The following ADGRV1 variants were observed in gnomAD, a reference collection of about 807,000 sequenced individuals.
The protein encoded by ADGRV1 is G-protein coupled receptor 98.
ADGRV1 carries 359 observed loss-of-function variants against 596.2 expected under a neutral mutation model. The observed-to-expected ratio is 0.60, with a 90% confidence interval of 0.55 to 0.66. The LOEUF (loss-of-function observed/expected upper bound fraction) is 0.66. Among genes scored for constraint, ADGRV1 ranks in the 30% least tolerant of loss-of-function variants. ADGRV1 has a pLI of 0.00. For missense variants in ADGRV1, 7,274 were observed against 7,575.6 expected (o/e 0.96, Z 1.48); for synonymous variants, 2,681 against 2,679.2 (o/e 1.00, Z -0.02).
intron 1 of ADGRV1, among the ~76,000 whole-genome samples, chr5:90,590,920 A>G (rs1055388833): frequency 1.3e-5 from 2 of 152,168 alleles, no homozygotes; most frequent in East Asian, 3.9e-4. Context: ...TTACCCTTGA[A>G]CACTTCCCAG....
rs397517421 is a variant in ADGRV1, at chr5:90,778,014, G to C, written c.12637G>C (p.Glu4213Gln). 6.3e-7 allele frequency: 1 copy of C among 1,585,770 alleles called. No individual in the cohort carries two copies. The highest frequency in any genetic ancestry group is 8.6e-7 in the Non-Finnish European group (1 of 1,164,392). ...ATCAGGAAAACTGACAATGCGAGAC[G>C]AACAGTCTGCAGTCATTGTAGTAAT... ...ETSGKLTMRD[E>Q]QSAVIVVIQA... The change falls in exon 62 of 90, where the codon GAA (glutamate) becomes CAA (glutamine). Residue 4213 changes from glutamate (E) to glutamine (Q), a missense_variant. This residue lies in a region of ADGRV1 where 3,643 missense variants were observed against 3,809.2 expected (regional missense o/e 0.96). Transcript: ENST00000405460.
intron 85 of ADGRV1, among the ~76,000 whole-genome samples, chr5:91,039,567 G>A (rs1785169560): frequency 6.6e-6 from 1 of 152,132 alleles, no homozygotes; most frequent in Non-Finnish European, 1.5e-5. Flanking sequence ...ACAAGAAGAG[G>A]GGATTTTATC....
chr5:90,573,723 A>T (rs887478334), intron 1 of ADGRV1, among the ~76,000 whole-genome samples: 4 of 152,196 alleles, frequency 2.6e-5, no homozygotes, highest in Middle Eastern at 3.2e-3. Context: ...AAGTTTTAAA[A>T]TGTTGTTTTT....
intron 83 of ADGRV1, among the ~76,000 whole-genome samples, chr5:90,951,072 T>C (rs777989419): frequency 3.9e-5 from 6 of 152,206 alleles, no homozygotes; most frequent in Non-Finnish European, 7.3e-5. Context: ...AGCTGGTATG[T>C]AACTCATGCC....
chr5:91,137,340 T>C (rs1411948199), intron 87 of ADGRV1, among the ~76,000 whole-genome samples: 1 of 152,194 alleles, frequency 6.6e-6, no homozygotes, highest in Non-Finnish European at 1.5e-5. Flanking sequence ...GAAAATTTTC[T>C]GTTGGGAAAG....
intron 88 of ADGRV1, 30 bp downstream of exon 88, chr5:91,150,251 C>T: frequency 6.9e-7 from 1 of 1,450,096 alleles, no homozygotes; most frequent in Non-Finnish European, 9.2e-7. Flanking sequence ...CATTCTCTGT[C>T]TCTCTGTCTC....
At chr5:90,662,598 T>C (rs565489311) in intron 21 of ADGRV1, among the ~76,000 whole-genome samples, 1 of 152,176 alleles carries the variant, frequency 6.6e-6, no homozygotes, top group South Asian at 2.1e-4. Context: ...GTTTTTTTTT[T>C]CTTTTTTTCT....
At chr5:91,099,027 A>G (rs890131531) in intron 86 of ADGRV1, among the ~76,000 whole-genome samples, 2 of 152,202 alleles carry the variant, frequency 1.3e-5, no homozygotes, top group Non-Finnish European at 2.9e-5. Flanking sequence ...CTGGCCCTTT[A>G]GCAAATTATA....
In ADGRV1 at chr5:91,120,909, C is replaced by G. The variant is rs375527704; in HGVS notation, c.18432+18569C>G. Among the ~76,000 whole-genome samples, 228 of 152,252 alleles carry G rather than the reference C, an allele frequency of 1.5e-3. 2 individuals are homozygous for G. Among genetic ancestry groups the G allele is most frequent in the African/African-American group, 5.3e-3 (220 of 41,526 alleles). On this transcript the variant is annotated intron_variant, in intron 87 of 89. Coordinates refer to ENST00000405460, the MANE Select transcript of ADGRV1 (RefSeq NM_032119.4). Reference sequence around the variant, plus strand: ...TAGAATGGGGCCAGGCACTATGGCTCACGCCTGTAATCCCAGCACTTTGGG... The same window carrying G: ...TAGAATGGGGCCAGGCACTATGGCTGACGCCTGTAATCCCAGCACTTTGGG...
chr5:90,920,724 G>A (rs1175021100), intron 83 of ADGRV1, among the ~76,000 whole-genome samples: 2 of 152,070 alleles, frequency 1.3e-5, no homozygotes, highest in Admixed American at 1.3e-4. Context: ...TTCCTAGAGT[G>A]AATAGCACAA....
intron 85 of ADGRV1, among the ~76,000 whole-genome samples, chr5:91,035,865 AT>A (rs1321495735): frequency 6.1e-5 from 6 of 98,932 alleles, no homozygotes; most frequent in Non-Finnish European, 1.1e-4. Flanking sequence ...TATATATTAT[AT>A]ATATATATAT....
intron 78 of ADGRV1, among the ~76,000 whole-genome samples, chr5:90,844,649 G>A (rs998635947): frequency 3.3e-5 from 5 of 152,080 alleles, no homozygotes; most frequent in East Asian, 1.9e-4. Context: ...TGATTTTGTC[G>A]TTATCAAAGC....
intron 21 of ADGRV1, among the ~76,000 whole-genome samples, chr5:90,667,110 A>T (rs924200392): frequency 1.3e-5 from 2 of 151,134 alleles, no homozygotes; most frequent in African/African-American, 4.9e-5. Context: ...CTTCTCGAGG[A>T]GTATCTTTGT....
chr5:90,774,901 T>G (rs1224411204), intron 60 of ADGRV1, among the ~76,000 whole-genome samples: 1 of 152,190 alleles, frequency 6.6e-6, no homozygotes, highest in Non-Finnish European at 1.5e-5. Flanking sequence ...TAAAACATTA[T>G]TTTTAAATGT....
intron 75 of ADGRV1, chr5:90,822,285 G>C (rs1363295691): frequency 6.5e-6 from 1 of 153,862 alleles, no homozygotes; most frequent in Non-Finnish European, 1.4e-5. Flanking sequence ...CGCGCACGGT[G>C]CACACACCCA....
chr5:90,671,890 G>GA (rs933336531), intron 21 of ADGRV1, among the ~76,000 whole-genome samples: 37 of 151,990 alleles, frequency 2.4e-4, no homozygotes, highest in African/African-American at 8.7e-4. Context: ...TTTTCCACTT[G>GA]AAAAAAATAC....
chr5:90,596,563 G>A (rs978927680), intron 1 of ADGRV1, among the ~76,000 whole-genome samples: 2 of 152,092 alleles, frequency 1.3e-5, no homozygotes, highest in Admixed American at 6.5e-5. Context: ...AGAGGCTGGC[G>A]GATCACTCGT....
intron 35 of ADGRV1, among the ~76,000 whole-genome samples, 184 bp from the exon 36 acceptor site, chr5:90,704,203 CCT>C (rs775352702): frequency 6.6e-6 from 1 of 152,176 alleles, no homozygotes; most frequent in African/African-American, 2.4e-5. Flanking sequence ...ACAATTAGCC[CCT>C]GTCTGCTTGG....
In ADGRV1 at chr5:90,779,243, C is replaced by G. The variant is rs2443076; in HGVS notation, c.13082+146C>G. ...TTGTGTGACATTAGAACAGGACATA[C>G]AAGGGAAATTATGACAATGACTGAG... On this transcript the variant is annotated intron_variant, in intron 64 of 89. Coordinates refer to ENST00000405460, the MANE Select transcript of ADGRV1 (RefSeq NM_032119.4). 0.14 allele frequency: 63,779 copies of G among 462,644 alleles called. 8,545 individuals carry two copies. Among genetic ancestry groups the G allele is most frequent in the African/African-American group, 0.47 (23,818 of 50,978 alleles). The allele number at this position is 462,644 out of a possible 1,614,324, so 28.7% of individuals were successfully genotyped here.
Sources: allele counts gnomAD v4.1 joint callset (sites outside exome capture counted in the v4.1 genomes callset), GRCh38; gene constraint gnomAD v4.1.1; regional missense constraint gnomAD v4.1.1; transcripts MANE v1.5; gene names NCBI Gene and HGNC (gene_info 2026-07-23, HGNC 2026-07-21).